Variants in DCDC2 observed in about 807,000 individuals in gnomAD.
DCDC2 encodes doublecortin domain containing 2, also known as doublecortin domain-containing protein 2.
In DCDC2, 40 loss-of-function variants were observed where a neutral mutation model predicts 50.2. The observed-to-expected ratio is 0.80, with a 90% CI of 0.62 to 1.04. The LOEUF (loss-of-function observed/expected upper bound fraction) is 1.04, where lower values mean the gene tolerates loss of function less well. DCDC2 is among the 50% of genes least tolerant of loss of function. The probability of loss-of-function intolerance (pLI) is 0.00; values close to 1 mark genes in which losing one functional copy is unlikely to be tolerated. For missense variants in DCDC2, 570 were observed against 581.9 expected, an observed-to-expected ratio of 0.98 and a Z score of 0.21; for synonymous variants, 234 against 210.6, an observed-to-expected ratio of 1.11 and a Z score of -0.96.
At chr6:24,258,511 T>C (rs1762942314) in intron 7 of DCDC2, among the ~76,000 whole-genome samples, 2 of 152,194 alleles carry the variant, frequency 1.3e-5, no homozygotes, top group Admixed American at 1.3e-4. Context: ...TGGTGCATTT[T>C]GCAATCCTCT....
At chr6:24,381,560 C>G in the DCDC2 span, among the ~76,000 whole-genome samples, 1 of 152,308 alleles carries the variant, frequency 6.6e-6, no homozygotes, top group East Asian at 1.9e-4. Flanking sequence ...TAAAACTTTT[C>G]TTTGAGTAAT....
At chr6:24,232,018 CACACACACACAT>C (rs978739218) in intron 7 of DCDC2, among the ~76,000 whole-genome samples, 18 of 104,870 alleles carry the variant, frequency 1.7e-4, no homozygotes, top group African/African-American at 4.0e-4. Flanking sequence ...CACACACACA[CACACACACACAT>C]ACACACATAC....
chr6:24,335,396 T>C (rs186766088), intron 2 of DCDC2, among the ~76,000 whole-genome samples: 56 of 152,324 alleles, frequency 3.7e-4, no homozygotes, highest in Admixed American at 1.4e-3. Context: ...AAACAAAAGA[T>C]ATGTGGTTAT....
At chr6:24,264,834 TAAAAA>T (rs533997010) in intron 7 of DCDC2, among the ~76,000 whole-genome samples, 1 of 143,662 alleles carries the variant, frequency 7.0e-6, no homozygotes, top group East Asian at 2.0e-4. Flanking sequence ...CCGAATGGAT[TAAAAA>T]AAAAAAGAGA....
In DCDC2 at chr6:24,171,901, A is replaced by G. The variant is rs1053496954; in HGVS notation, c.*2829T>C. The G allele has an allele frequency of 1.3e-5, 2 of 152,376 alleles. No individual in the cohort carries two copies. Among genetic ancestry groups the G allele is most frequent in the East Asian group, 3.9e-4 (2 of 5,192 alleles). The allele number at this position is 152,376 out of a possible 1,614,324, so 9.4% of individuals were successfully genotyped here. A position where few individuals can be genotyped will look rare whatever the true frequency, so the allele number is the denominator to read the frequency against. ...AAACTATAAAAACTATGTATATAGC[A>G]TCACAAAGAATTAACATATTAAAGC... On this transcript the variant is annotated 3_prime_UTR_variant, in exon 10 of 10. Coordinates refer to ENST00000378454, the MANE Select transcript of DCDC2 (RefSeq NM_016356.5).
chr6:24,234,009 T>C (rs1446044602), intron 7 of DCDC2, among the ~76,000 whole-genome samples: 1 of 152,182 alleles, frequency 6.6e-6, no homozygotes, highest in Non-Finnish European at 1.5e-5. Flanking sequence ...GCTCATGATC[T>C]TGTGAGAGAT....
intron 7 of DCDC2, among the ~76,000 whole-genome samples, chr6:24,212,381 G>A (rs963245004): frequency 2.6e-5 from 4 of 152,144 alleles, no homozygotes; most frequent in Admixed American, 6.5e-5. Context: ...CTGCCAAAAA[G>A]ACAGTGGTCA....
intron 7 of DCDC2, among the ~76,000 whole-genome samples, chr6:24,209,334 C>T (rs1761804197): frequency 6.6e-6 from 1 of 152,096 alleles, no homozygotes; most frequent in Non-Finnish European, 1.5e-5. Context: ...GGATTTAGAC[C>T]ATGACAGCGT....
chr6:24,226,992 C>T (rs936946604), intron 7 of DCDC2, among the ~76,000 whole-genome samples: 43 of 152,052 alleles, frequency 2.8e-4, no homozygotes, highest in South Asian at 2.1e-4. Flanking sequence ...GTAGAGATAC[C>T]GAAGAGAAAC....
chr6:24,381,532 C>A, the DCDC2 span, among the ~76,000 whole-genome samples: 3 of 152,212 alleles, frequency 2.0e-5, no homozygotes, highest in Non-Finnish European at 4.4e-5. Flanking sequence ...TGCAGAACAG[C>A]AGAAGTAGAC....
intron 2 of DCDC2, among the ~76,000 whole-genome samples, chr6:24,320,957 TTA>T (rs1759763375): frequency 1.7e-5 from 2 of 118,848 alleles, no homozygotes; most frequent in Non-Finnish European, 3.7e-5. Flanking sequence ...AATAAAAAAA[TTA>T]AAAAAAAAAA....
At chr6:24,193,316 C>T (rs907795619) in intron 8 of DCDC2, among the ~76,000 whole-genome samples, 3 of 151,970 alleles carry the variant, frequency 2.0e-5, no homozygotes, top group Non-Finnish European at 2.9e-5. Context: ...AAGAAGAGAA[C>T]CATCCACCAA....
chr6:24,255,421 T>C (rs749656730), intron 7 of DCDC2, among the ~76,000 whole-genome samples: 3 of 150,474 alleles, frequency 2.0e-5, no homozygotes, highest in Non-Finnish European at 3.0e-5. Context: ...GGAAAAACAT[T>C]AATCCTAAAG....
intron 8 of DCDC2, among the ~76,000 whole-genome samples, chr6:24,203,136 T>C (rs773521007): frequency 6.6e-6 from 1 of 152,170 alleles, no homozygotes; most frequent in Non-Finnish European, 1.5e-5. Flanking sequence ...AAAAAACTAC[T>C]TTAAAGTTCA....
chr6:24,248,695 C>T (rs1417233177), intron 7 of DCDC2, among the ~76,000 whole-genome samples: 1 of 152,130 alleles, frequency 6.6e-6, no homozygotes. Flanking sequence ...CCACGTACTC[C>T]ACCTGTTAAT....
At chr6:24,300,106 T>C (rs1353541782) in intron 4 of DCDC2, among the ~76,000 whole-genome samples, 1 of 151,832 alleles carries the variant, frequency 6.6e-6, no homozygotes, top group Non-Finnish European at 1.5e-5. Flanking sequence ...TTTTAAAAAG[T>C]GGTCCAGGTA....
At position 24,357,800 on chromosome 6, in the gene DCDC2, C is replaced by T. The variant is rs1760506766; in HGVS notation, c.-50G>A. 6.2e-7 allele frequency: 1 copy of T among 1,610,338 alleles called. No individual in the cohort carries two copies. The highest frequency in any genetic ancestry group is 1.1e-5 in the South Asian group (1 of 90,922). On this transcript the variant is annotated 5_prime_UTR_variant, in exon 1 of 10. Coordinates refer to ENST00000378454, the MANE Select transcript of DCDC2 (RefSeq NM_016356.5). ...CTCGCTGCTTCGCGTCGGGAGGCAC[C>T]TCCGCTGTCCCAGCGGCCTCACCGC...
the DCDC2 span, among the ~76,000 whole-genome samples, chr6:24,377,542 T>G: frequency 6.6e-6 from 1 of 152,212 alleles, no homozygotes; most frequent in African/African-American, 2.4e-5. Flanking sequence ...CAAAAAAGAC[T>G]GGTTGTGTTG....
intron 8 of DCDC2, among the ~76,000 whole-genome samples, chr6:24,192,362 G>C (rs922954290): frequency 3.3e-5 from 5 of 151,010 alleles, no homozygotes; most frequent in African/African-American, 9.7e-5. Flanking sequence ...TGGCCAAAAC[G>C]AATCACCCTA....
Sources: gnomAD v4.1 joint callset for allele counts (sites outside exome capture counted in the v4.1 genomes callset) on GRCh38, gnomAD v4.1.1 for gene constraint, MANE v1.5 for transcripts, NCBI Gene and HGNC (gene_info 2026-07-23, HGNC 2026-07-21) for gene names.